The following AGBL4 variants were observed in gnomAD, a reference collection of about 807,000 sequenced individuals.
AGBL4 encodes AGBL carboxypeptidase 4.
A neutral mutation model predicts 66.4 loss-of-function variants in AGBL4; 58 were observed. That is an observed-to-expected ratio of 0.87 (90% confidence interval 0.71 to 1.09). The LOEUF is 1.09. Among genes scored for constraint, AGBL4 ranks in the 50% least tolerant of loss-of-function variants. The pLI is 0.00. For missense variants in AGBL4, 579 were observed against 631.0 expected (o/e 0.92, Z 0.88); for synonymous variants, 234 against 222.9 (o/e 1.05, Z -0.44).
rs1220363831 is a variant in AGBL4 at position 49,371,248 on chromosome 1, G to GATAGATAGATAGATAGATAGATAC, written c.283-125385_283-125384insGTATCTATCTATCTATCTATCTAT. 2.2e-4 allele frequency among the ~76,000 whole-genome samples: 31 copies of GATAGATAGATAGATAGATAGATAC among 137,976 alleles called. No homozygotes were observed. In the South Asian group the frequency reaches 6.9e-3, roughly 31 times the overall value. 90.5% of individuals were successfully genotyped at this position (137,976 alleles called of 152,430 possible). A position where few individuals can be genotyped will look rare whatever the true frequency, so the allele number is the denominator to read the frequency against. On this transcript the variant is annotated intron_variant, in intron 3 of 13. Transcript: ENST00000371839. ...AGATATATAGATAGATAGATAGATA[G>GATAGATAGATAGATAGATAGATAC]ATACATACATACATACATACATACA...
chr1:48,691,805 T>A (rs952958243), intron 6 of AGBL4, among the ~76,000 whole-genome samples: 1 of 152,078 alleles, frequency 6.6e-6, no homozygotes, highest in Non-Finnish European at 1.5e-5. Flanking sequence ...TCTCCCCTGC[T>A]CCTCTCAGAA....
At chr1:49,946,538 C>T (rs966728367) in intron 1 of AGBL4, among the ~76,000 whole-genome samples, 38 of 151,702 alleles carry the variant, frequency 2.5e-4, no homozygotes, top group Non-Finnish European at 5.2e-4. Context: ...CCTATCAAAA[C>T]CTCTGGGATA....
intron 6 of AGBL4, among the ~76,000 whole-genome samples, chr1:48,717,981 G>A (rs1167141357): frequency 1.3e-5 from 2 of 152,200 alleles, no homozygotes; most frequent in African/African-American, 2.4e-5. Flanking sequence ...AGTTCCACAA[G>A]GCTAACTGAA....
chr1:49,590,759 G>C (rs1447686432), intron 3 of AGBL4, among the ~76,000 whole-genome samples: 2 of 151,878 alleles, frequency 1.3e-5, no homozygotes, highest in Non-Finnish European at 2.9e-5. Flanking sequence ...TTCTAATTAA[G>C]AGAAAAATAT....
chr1:49,922,029 A>G (rs1176944737), intron 1 of AGBL4, among the ~76,000 whole-genome samples: 1 of 152,214 alleles, frequency 6.6e-6, no homozygotes, highest in Non-Finnish European at 1.5e-5. Flanking sequence ...TAAGAAATGA[A>G]AATTTTCTAC....
At chr1:49,665,302 T>C (rs1646342730) in intron 3 of AGBL4, among the ~76,000 whole-genome samples, 1 of 152,074 alleles carries the variant, frequency 6.6e-6, no homozygotes, top group African/African-American at 2.4e-5. Context: ...TTTGTTTTTG[T>C]TTTTGTTTTT....
rs1169805560 is a variant in AGBL4, at chr1:49,714,593, T to TAC, written c.158-17158_158-17157dup. On this transcript the variant is annotated intron_variant, in intron 2 of 13. Coordinates refer to ENST00000371839, the MANE Select transcript of AGBL4 (RefSeq NM_032785.4). ...ACATATATATATATATATATATATA[T>TAC]ACACACACACACATATATATATATC... is the stretch of plus-strand genomic sequence containing the variant. Among the ~76,000 whole-genome samples the TAC allele has an allele frequency of 5.5e-3, 630 of 113,976 alleles. 5 individuals carry two copies. Among genetic ancestry groups the TAC allele is most frequent in the African/African-American group, 0.018 (573 of 31,692 alleles). The allele number at this position is 113,976 out of a possible 152,430, so 74.8% of individuals were successfully genotyped here.
intron 6 of AGBL4, among the ~76,000 whole-genome samples, chr1:48,837,503 C>T (rs1458326769): frequency 1.3e-5 from 2 of 151,780 alleles, no homozygotes; most frequent in South Asian, 2.1e-4. Flanking sequence ...ATCACTTAGC[C>T]TCCCAGCCTA....
chr1:49,628,567 T>G (rs768560488), intron 3 of AGBL4, among the ~76,000 whole-genome samples: 5 of 152,086 alleles, frequency 3.3e-5, no homozygotes, highest in Non-Finnish European at 7.4e-5. Flanking sequence ...CTTCAAAAGG[T>G]TTATCTCCTA....
At chr1:48,871,863 C>T (rs1227139901) in intron 5 of AGBL4, among the ~76,000 whole-genome samples, 1 of 152,078 alleles carries the variant, frequency 6.6e-6, no homozygotes. Context: ...CCATGTCACC[C>T]CACCTCTAGT....
intron 1 of AGBL4, among the ~76,000 whole-genome samples, chr1:50,008,876 T>C (rs1045588093): frequency 2.0e-5 from 3 of 152,046 alleles, no homozygotes; most frequent in African/African-American, 7.2e-5. Context: ...TGACCAACCA[T>C]ATGCCAATCA....
chr1:48,975,825 A>G (rs1659290818), intron 5 of AGBL4, among the ~76,000 whole-genome samples: 1 of 152,126 alleles, frequency 6.6e-6, no homozygotes, highest in Admixed American at 6.6e-5. Context: ...ATTCTGTGGA[A>G]CTGATTGAAG....
intron 1 of AGBL4, among the ~76,000 whole-genome samples, chr1:49,896,763 A>G (rs539379238): frequency 6.6e-6 from 1 of 152,090 alleles, no homozygotes; most frequent in East Asian, 1.9e-4. Flanking sequence ...CTCATGCATG[A>G]CCAAGTAGGA....
chr1:49,799,577 T>G (rs754759189), intron 2 of AGBL4, among the ~76,000 whole-genome samples: 1 of 151,936 alleles, frequency 6.6e-6, no homozygotes, highest in South Asian at 2.1e-4. Flanking sequence ...GAAAGGATAG[T>G]AGAAAGAGAG....
At position 48,841,413 on chromosome 1, in the gene AGBL4, A is replaced by C. The variant is rs192687589; in HGVS notation, c.634+25778T>G. On this transcript the variant is annotated intron_variant, in intron 6 of 13. Coordinates refer to ENST00000371839, the MANE Select transcript of AGBL4 (RefSeq NM_032785.4). ...TCTTACTACAAAACCCCCCCCCCCC[A>C]AAAAAAAAGAAGAGAGAGAAGGAGC... is the stretch of plus-strand genomic sequence containing the variant. 1.7e-3 allele frequency among the ~76,000 whole-genome samples: 160 copies of C among 92,656 alleles called. 1 individual carries two copies. The highest frequency in any genetic ancestry group is 7.2e-3 in the African/African-American group (133 of 18,496). 60.8% of individuals were successfully genotyped at this position (92,656 alleles called of 152,430 possible).
At chr1:48,968,878 G>T (rs976858182) in intron 5 of AGBL4, among the ~76,000 whole-genome samples, 2 of 152,116 alleles carry the variant, frequency 1.3e-5, no homozygotes, top group South Asian at 2.1e-4. Context: ...CCAGGACTTT[G>T]ATGTGCTCCA....
At chr1:49,222,304 G>T (rs1342374313) in intron 4 of AGBL4, among the ~76,000 whole-genome samples, 1 of 149,242 alleles carries the variant, frequency 6.7e-6, no homozygotes, top group African/African-American at 2.5e-5. Context: ...AGCAAGATTA[G>T]AAAAACAGGT....
chr1:49,511,613 A>AT (rs1649262877), intron 3 of AGBL4, among the ~76,000 whole-genome samples: 1 of 151,860 alleles, frequency 6.6e-6, no homozygotes, highest in Admixed American at 6.6e-5. Flanking sequence ...AATTAAAAAA[A>AT]ATTTTTTTTT....
chr1:49,090,811 G>A (rs773827817), intron 4 of AGBL4, among the ~76,000 whole-genome samples: 16 of 152,166 alleles, frequency 1.1e-4, no homozygotes, highest in Non-Finnish European at 1.8e-4. Context: ...CAAAGCTGGA[G>A]GCATCACGTT....
Sources: allele counts gnomAD v4.1 joint callset (sites outside exome capture counted in the v4.1 genomes callset), GRCh38; gene constraint gnomAD v4.1.1; transcripts MANE v1.5; gene names NCBI Gene and HGNC (gene_info 2026-07-23, HGNC 2026-07-21).